The following GALM variants were observed in gnomAD, a reference collection of about 807,000 sequenced individuals.
The protein encoded by GALM is galactose mutarotase, also known as aldose 1-epimerase.
GALM carries 43 observed loss-of-function variants against 37.4 expected under a neutral mutation model. The ratio of observed to expected loss-of-function variants is 1.15; its 90% CI spans 0.90 to 1.48. The LOEUF (loss-of-function observed/expected upper bound fraction) is 1.48, where lower values mean the gene tolerates loss of function less well. Ranked by LOEUF, GALM falls within the 40% of genes most tolerant of loss-of-function variation. The pLI is 0.00. For missense variants in GALM, 456 were observed against 419.1 expected (o/e 1.09, Z -0.77); for synonymous variants, 199 against 170.6 (o/e 1.17, Z -1.30).
chr2:38,677,509 T>C (rs1231098696), intron 2 of GALM, among the ~76,000 whole-genome samples: 1 of 152,154 alleles, frequency 6.6e-6, no homozygotes, highest in Non-Finnish European at 1.5e-5. Context: ...GGGCAGAGTC[T>C]CTAGAACATG....
At chr2:38,706,346 G>A (rs986717187) in intron 4 of GALM, among the ~76,000 whole-genome samples, 4 of 150,934 alleles carry the variant, frequency 2.7e-5, no homozygotes, top group African/African-American at 9.7e-5. Context: ...AGCATTCTAA[G>A]CTGGGAACTG....
At chr2:38,732,948 C>T (rs1190698631) in intron 6 of GALM, among the ~76,000 whole-genome samples, 13 of 144,652 alleles carry the variant, frequency 9.0e-5, no homozygotes, top group Middle Eastern at 4.2e-3. Context: ...GGGCCAGGTG[C>T]GGTGGCTCAC....
At chr2:38,719,997 T>C (rs1367940051) in intron 4 of GALM, among the ~76,000 whole-genome samples, 3 of 151,630 alleles carry the variant, frequency 2.0e-5, no homozygotes, top group Non-Finnish European at 4.4e-5. Flanking sequence ...AGCCTAGGAG[T>C]TTGAGACCAG....
intron 4 of GALM, among the ~76,000 whole-genome samples, chr2:38,722,461 A>G (rs982959941): frequency 2.0e-5 from 3 of 152,190 alleles, no homozygotes; most frequent in African/African-American, 7.2e-5. Context: ...TTGTTGGGTC[A>G]GAGCCCCTCA....
chr2:38,708,555 C>T (rs1455390624), intron 4 of GALM, among the ~76,000 whole-genome samples: 2 of 151,948 alleles, frequency 1.3e-5, no homozygotes, highest in African/African-American at 2.4e-5. Flanking sequence ...TCCCAGCTAA[C>T]ATGGTGAAAC....
chr2:38,677,125 C>T (rs1665278452), intron 2 of GALM, among the ~76,000 whole-genome samples: 1 of 152,238 alleles, frequency 6.6e-6, no homozygotes, highest in Non-Finnish European at 1.5e-5. Context: ...AGTGCTTGGC[C>T]TCCTGCTTCC....
Position 38,675,541 on chromosome 2 carries a change from T to TG in GALM, c.191-371_191-370insG, listed in dbSNP as rs1227244134. Reference sequence around the variant, plus strand: ...GGGTTTTTTTGTTTTTTTTTTTTTTTTTTGTGTGTGTGTGTGTGTGTGTGT... The same window carrying TG: ...GGGTTTTTTTGTTTTTTTTTTTTTTTGTTTGTGTGTGTGTGTGTGTGTGTGT... On this transcript the variant is annotated intron_variant, in intron 1 of 6. Coordinates refer to ENST00000272252, the MANE Select transcript of GALM (RefSeq NM_138801.3). Among the ~76,000 whole-genome samples the TG allele has an allele frequency of 5.7e-3, 371 of 65,462 alleles. 1 individual carries two copies. Among genetic ancestry groups the TG allele is most frequent in the Admixed American group, 0.027 (146 of 5,364 alleles). The allele number at this position is 65,462 out of a possible 152,430, so 42.9% of individuals were successfully genotyped here.
At chr2:38,702,932 T>TATATATATATATATATATATA (rs1553382842) in intron 4 of GALM, among the ~76,000 whole-genome samples, 1 of 134,888 alleles carries the variant, frequency 7.4e-6, no homozygotes, top group African/African-American at 2.8e-5. Context: ...TATATACTTT[T>TATATATATATATATATATATA]TATATATATA....
intron 2 of GALM, among the ~76,000 whole-genome samples, chr2:38,676,985 C>A (rs1198527587): frequency 6.6e-6 from 1 of 152,188 alleles, no homozygotes; most frequent in Non-Finnish European, 1.5e-5. Flanking sequence ...TGAAGTGCCT[C>A]ATGCCTCAAA....
At chr2:38,724,429 G>C (rs916275796) in intron 4 of GALM, among the ~76,000 whole-genome samples, 1 of 152,148 alleles carries the variant, frequency 6.6e-6, no homozygotes, top group African/African-American at 2.4e-5. Flanking sequence ...ATTCTTGAAC[G>C]ATCAATTGGA....
intron 4 of GALM, among the ~76,000 whole-genome samples, chr2:38,698,588 T>A (rs1218310203): frequency 1.3e-5 from 2 of 152,152 alleles, no homozygotes; most frequent in Admixed American, 6.5e-5. Flanking sequence ...ACTCTGTTGT[T>A]GGGCATATGA....
At chr2:38,681,255 C>T (rs767263577) in intron 2 of GALM, 25 bp from the exon 3 acceptor site, 2 of 1,597,108 alleles carry the variant, frequency 1.3e-6, no homozygotes, top group South Asian at 1.1e-5. Flanking sequence ...AGCAACTACA[C>T]AACTTTGAAA....
intron 3 of GALM, among the ~76,000 whole-genome samples, chr2:38,685,008 A>G (rs1012195262): frequency 6.6e-6 from 1 of 152,058 alleles, no homozygotes. Flanking sequence ...TTGTCCCCTC[A>G]TGGCCACAGC....
At chr2:38,716,717 G>C (rs2148451987) in intron 4 of GALM, among the ~76,000 whole-genome samples, 1 of 152,318 alleles carries the variant, frequency 6.6e-6, no homozygotes, top group South Asian at 2.1e-4. Flanking sequence ...AGTGGTGTGT[G>C]CTTGTAGTCC....
Position 38,687,084 on chromosome 2 carries a change from A to G in GALM, c.553-2729A>G, listed in dbSNP as rs1024887038. On this transcript the variant is annotated intron_variant, in intron 3 of 6. Transcript: ENST00000272252. ...ACCCAAAGCCCTCTGTGTTGAGCTG[A>G]GTAGTGAACAAATAGGGCCAAGGAA... 2.6e-5 allele frequency among the ~76,000 whole-genome samples: 4 copies of G among 152,200 alleles called. No homozygotes were observed. In the South Asian group the frequency reaches 8.3e-4, roughly 32 times the overall value.
chr2:38,697,068 G>T (rs1230758463), intron 4 of GALM, among the ~76,000 whole-genome samples: 2 of 152,108 alleles, frequency 1.3e-5, no homozygotes, highest in African/African-American at 4.8e-5. Context: ...GGGATTATGG[G>T]CATGAGCCAC....
At chr2:38,694,293 T>C (rs78141732) in intron 4 of GALM, among the ~76,000 whole-genome samples, 3,131 of 152,232 alleles carry the variant, frequency 0.021, 105 homozygotes, top group African/African-American at 0.07. Context: ...GTGCAACATA[T>C]AGTCAATAAA....
intron 1 of GALM, among the ~76,000 whole-genome samples, chr2:38,670,742 A>T (rs963353285): frequency 3.9e-5 from 6 of 152,220 alleles, no homozygotes; most frequent in African/African-American, 1.4e-4. Context: ...CTCTACTAGA[A>T]CTTTTTATTT....
At chr2:38,717,345 GTA>G (rs1219939873) in intron 4 of GALM, among the ~76,000 whole-genome samples, 3 of 146,718 alleles carry the variant, frequency 2.0e-5, no homozygotes, top group Admixed American at 6.9e-5. Flanking sequence ...GTGTGTGTGT[GTA>G]TAAAAGAGAG....
Sources: allele counts gnomAD v4.1 joint callset (sites outside exome capture counted in the v4.1 genomes callset), GRCh38; gene constraint gnomAD v4.1.1; transcripts MANE v1.5; gene names NCBI Gene and HGNC (gene_info 2026-07-23, HGNC 2026-07-21).